RASSF3: variants seen among roughly 807,000 people sequenced by gnomAD.
The protein encoded by RASSF3 is ras association domain-containing protein 3.
A neutral mutation model predicts 19.9 loss-of-function variants in RASSF3; 19 were observed. The ratio of observed to expected loss-of-function variants is 0.96; its 90% confidence interval spans 0.67 to 1.40. The LOEUF is 1.40. Ranked by LOEUF, RASSF3 falls within the 40% of genes most tolerant of loss-of-function variation. The probability of loss-of-function intolerance (pLI) is 0.00; values close to 1 mark genes in which losing one functional copy is unlikely to be tolerated. For synonymous variants in RASSF3, 110 were observed against 104.2 expected (o/e 1.06, Z -0.34); for missense variants, 306 against 289.8 (o/e 1.06, Z -0.41).
intron 2 of RASSF3, among the ~76,000 whole-genome samples, chr12:64,559,272 C>A (rs1869307301): frequency 7.0e-6 from 1 of 143,494 alleles, no homozygotes; most frequent in Non-Finnish European, 1.5e-5. Flanking sequence ...GAGGCGGAGT[C>A]TCACACTGTC....
chr12:64,655,503 A>G (rs879509542), intron 1 of RASSF3, among the ~76,000 whole-genome samples: 15 of 152,028 alleles, frequency 9.9e-5, no homozygotes, highest in Non-Finnish European at 1.9e-4. Context: ...AAATAGAGAC[A>G]GGGTCTCAGT....
chr12:64,579,809 G>GTTT (rs34306092), intron 2 of RASSF3, among the ~76,000 whole-genome samples: 9 of 137,318 alleles, frequency 6.6e-5, no homozygotes, highest in Middle Eastern at 3.8e-3. Flanking sequence ...GTTTTTTTGG[G>GTTT]TTTTTTTTTT....
intron 1 of RASSF3, among the ~76,000 whole-genome samples, chr12:64,666,722 A>G (rs1449947520): frequency 6.6e-6 from 1 of 152,198 alleles, no homozygotes; most frequent in Non-Finnish European, 1.5e-5. Context: ...TTATCCCGCC[A>G]CTGTCCCACA....
intron 1 of RASSF3, among the ~76,000 whole-genome samples, chr12:64,677,400 A>T (rs1024644537): frequency 3.9e-5 from 6 of 152,040 alleles, no homozygotes; most frequent in Non-Finnish European, 7.4e-5. Flanking sequence ...TTTTAAAACA[A>T]TTTTTTGTAG....
At chr12:64,658,737 G>T (rs1872244026) in intron 1 of RASSF3, among the ~76,000 whole-genome samples, 1 of 152,112 alleles carries the variant, frequency 6.6e-6, no homozygotes, top group Non-Finnish European at 1.5e-5. Flanking sequence ...GGAAGTGGAG[G>T]TTGCAGTGAA....
At chr12:64,644,957 C>T (rs1442413035) in intron 1 of RASSF3, among the ~76,000 whole-genome samples, 1 of 151,330 alleles carries the variant, frequency 6.6e-6, no homozygotes, top group Non-Finnish European at 1.5e-5. Flanking sequence ...GCCAGTAGTC[C>T]CAGCTACTGT....
rs183053029 is a variant in RASSF3, at chr12:64,572,885, G to A, written c.294+31180G>A. 2.7e-3 allele frequency among the ~76,000 whole-genome samples: 417 copies of A among 152,192 alleles called. 3 individuals are homozygous for A. The highest frequency in any genetic ancestry group is 8.9e-3 in the African/African-American group (369 of 41,526). On this transcript the variant is annotated intron_variant, in intron 2 of 5. Transcript: ENST00000637125. The stretch of plus-strand genomic sequence containing the variant: ...TGTTATGTTAGAGAATTCAAAGGTC[G>A]ATAAAATGCAATTTCTTTTTAAAAT...
At chr12:64,668,699 T>TG (rs1872603205) in intron 1 of RASSF3, among the ~76,000 whole-genome samples, 1 of 149,138 alleles carries the variant, frequency 6.7e-6, no homozygotes, top group African/African-American at 2.5e-5. Context: ...TTTTTTTTTT[T>TG]GAAACGGAGT....
intron 1 of RASSF3, among the ~76,000 whole-genome samples, chr12:64,534,791 C>T (rs1033446857): frequency 2.6e-5 from 4 of 152,068 alleles, no homozygotes; most frequent in Non-Finnish European, 4.4e-5. Context: ...TTGTGGATAG[C>T]GAGATGCCTG....
chr12:64,568,850 C>T (rs566148596), intron 2 of RASSF3, among the ~76,000 whole-genome samples: 7 of 152,280 alleles, frequency 4.6e-5, no homozygotes, highest in African/African-American at 1.7e-4. Flanking sequence ...ACAGAGATTA[C>T]AGGCACAAGC....
intron 2 of RASSF3, among the ~76,000 whole-genome samples, chr12:64,552,820 T>C (rs982217575): frequency 2.6e-5 from 4 of 151,522 alleles, no homozygotes; most frequent in African/African-American, 9.8e-5. Flanking sequence ...TCTTTTTCTT[T>C]CTTTCTTTTT....
At chr12:64,562,523 C>A (rs116060821) in intron 2 of RASSF3, among the ~76,000 whole-genome samples, 1 of 152,148 alleles carries the variant, frequency 6.6e-6, no homozygotes, top group Non-Finnish European at 1.5e-5. Flanking sequence ...CATGTCTCTA[C>A]CCCCATCTTT....
At chr12:64,638,762 G>A (rs184709420) in intron 1 of RASSF3, among the ~76,000 whole-genome samples, 1 of 152,082 alleles carries the variant, frequency 6.6e-6, no homozygotes, top group East Asian at 1.9e-4. Flanking sequence ...TATTAAGGAT[G>A]TGTGGTGTCA....
chr12:64,537,705 C>G (rs1037010538), intron 1 of RASSF3, among the ~76,000 whole-genome samples: 5 of 152,180 alleles, frequency 3.3e-5, no homozygotes, highest in Admixed American at 6.6e-5. Flanking sequence ...GAAAGGTGAC[C>G]TGGAAGTCAT....
chr12:64,603,070 G>T (rs1870123673), intron 2 of RASSF3, among the ~76,000 whole-genome samples: 1 of 152,036 alleles, frequency 6.6e-6, no homozygotes, highest in African/African-American at 2.4e-5. Context: ...CTGCACTTCA[G>T]TCTGGGTGAC....
chr12:64,682,809 G>A (rs1246534103), intron 1 of RASSF3, among the ~76,000 whole-genome samples: 2 of 152,282 alleles, frequency 1.3e-5, no homozygotes, highest in Middle Eastern at 6.8e-3. Flanking sequence ...GATGTGTCTG[G>A]CAGAAAGAGG....
chr12:64,599,436 T>C (rs550715245), intron 2 of RASSF3, among the ~76,000 whole-genome samples: 40 of 152,344 alleles, frequency 2.6e-4, no homozygotes, highest in African/African-American at 9.4e-4. Context: ...AAATAATCTT[T>C]TCTCTCATTT....
upstream of RASSF3, among the ~76,000 whole-genome samples, chr12:64,607,415 G>C (rs1870213073): frequency 6.6e-6 from 1 of 152,092 alleles, no homozygotes; most frequent in Admixed American, 6.6e-5. Context: ...TGTCGCCCAG[G>C]ATAGAGTGCA....
chr12:64,670,932 G>A (rs17100545), intron 1 of RASSF3, among the ~76,000 whole-genome samples: 2,046 of 152,060 alleles, frequency 0.013, 43 homozygotes, highest in African/African-American at 0.047. Context: ...TGTGTCCTCC[G>A]GCAAAATAAA....
Sources: allele counts gnomAD v4.1 joint callset (sites outside exome capture counted in the v4.1 genomes callset), GRCh38; gene constraint gnomAD v4.1.1; transcripts MANE v1.5; gene names NCBI Gene and HGNC (gene_info 2026-07-23, HGNC 2026-07-21).